The following GSAP variants were observed in gnomAD, a reference collection of about 807,000 sequenced individuals.
GSAP encodes the protein gamma-secretase-activating protein.
In GSAP, 118 loss-of-function variants were observed where a neutral mutation model predicts 131.7. That is an observed-to-expected ratio of 0.90 (90% confidence interval 0.77 to 1.04). GSAP has a LOEUF of 1.04. Among genes scored for constraint, GSAP ranks in the 50% least tolerant of loss-of-function variants. The pLI is 0.00. For synonymous variants in GSAP, 381 were observed against 363.4 expected (o/e 1.05, Z -0.55); for missense variants, 1,019 against 1,013.2 (o/e 1.01, Z -0.08).
At chr7:77,416,385 G>A, upstream of GSAP, 1 of 866,026 alleles carries the variant, frequency 1.2e-6, no homozygotes, top group Middle Eastern at 3.7e-4. Flanking sequence ...GGCCCCGCGT[G>A]GCCGCCTCGC....
chr7:77,377,451 T>C (rs552497015), intron 8 of GSAP, 61 bp from the exon 9 acceptor site: 9 of 1,451,120 alleles, frequency 6.2e-6, no homozygotes, highest in South Asian at 1.5e-5. Flanking sequence ...GGAGAACATA[T>C]CTGGAATTCA....
At chr7:77,355,073 G>A (rs752092659) in intron 16 of GSAP, 140 bp downstream of exon 16, 1 of 618,436 alleles carries the variant, frequency 1.6e-6, no homozygotes, top group South Asian at 2.0e-5. Context: ...CAGCGCAAAA[G>A]ATGACGATGT....
intron 5 of GSAP, among the ~76,000 whole-genome samples, chr7:77,395,614 A>G (rs1431134300): frequency 6.6e-6 from 1 of 152,050 alleles, no homozygotes; most frequent in Non-Finnish European, 1.5e-5. Context: ...GAGCAATACA[A>G]ATGATGAGAT....
chr7:77,372,164 CTATG>C (rs1395345982), intron 12 of GSAP, among the ~76,000 whole-genome samples: 2 of 152,152 alleles, frequency 1.3e-5, no homozygotes, highest in Non-Finnish European at 2.9e-5. Context: ...AGTTAAATGC[CTATG>C]TAAGTAAACA....
At chr7:77,375,612 A>G (rs1384434445) in intron 10 of GSAP, among the ~76,000 whole-genome samples, 4 of 152,248 alleles carry the variant, frequency 2.6e-5, no homozygotes, top group Non-Finnish European at 5.9e-5. Flanking sequence ...TGGGAGGCCA[A>G]GGCAGGTGGA....
chr7:77,326,152 T>C (rs1788303104), intron 23 of GSAP, 60 bp downstream of exon 23: 17 of 1,066,378 alleles, frequency 1.6e-5, no homozygotes, highest in Non-Finnish European at 2.3e-5. Context: ...ACTGTAATCC[T>C]TTCCCCTTGT....
At chr7:77,413,209 C>T (rs73362782) in intron 1 of GSAP, among the ~76,000 whole-genome samples, 4,254 of 152,292 alleles carry the variant, frequency 0.028, 209 homozygotes, top group African/African-American at 0.095. Flanking sequence ...CCAGTAGCAA[C>T]GCAGGCCCAA....
intron 8 of GSAP, among the ~76,000 whole-genome samples, chr7:77,377,827 T>C (rs1274627031): frequency 6.6e-6 from 1 of 152,214 alleles, no homozygotes; most frequent in Non-Finnish European, 1.5e-5. Context: ...TGGAAAGTAG[T>C]AGGCAATGAC....
chr7:77,373,728 C>G (rs544625519), intron 12 of GSAP, among the ~76,000 whole-genome samples: 1 of 152,290 alleles, frequency 6.6e-6, no homozygotes, highest in East Asian at 1.9e-4. Context: ...CATCAGTAAG[C>G]CTGACACAGA....
chr7:77,324,972 C>T (rs575317919), intron 23 of GSAP, among the ~76,000 whole-genome samples: 3 of 151,922 alleles, frequency 2.0e-5, no homozygotes, highest in African/African-American at 7.2e-5. Flanking sequence ...CGTGCTACCA[C>T]GCCCAGCCAA....
At chr7:77,341,657 G>A (rs1014403394) in intron 19 of GSAP, among the ~76,000 whole-genome samples, 2 of 152,014 alleles carry the variant, frequency 1.3e-5, no homozygotes, top group African/African-American at 4.8e-5. Flanking sequence ...TACCACCCTA[G>A]ACCCAGAAGG....
chr7:77,333,706 T>C (rs144959242), intron 19 of GSAP, among the ~76,000 whole-genome samples: 88 of 152,318 alleles, frequency 5.8e-4, no homozygotes, highest in African/African-American at 1.9e-3. Flanking sequence ...AAGAGGTAGT[T>C]AGGGCCAAAT....
intron 12 of GSAP, among the ~76,000 whole-genome samples, chr7:77,367,586 G>A (rs1326170132): frequency 2.0e-5 from 3 of 152,164 alleles, no homozygotes; most frequent in Non-Finnish European, 2.9e-5. Context: ...TTTTTGACAT[G>A]TTATTGGATT....
At chr7:77,345,554 T>C (rs1476733539) in intron 19 of GSAP, among the ~76,000 whole-genome samples, 1 of 152,160 alleles carries the variant, frequency 6.6e-6, no homozygotes, top group Non-Finnish European at 1.5e-5. Context: ...GAAGTGAAAA[T>C]GGCCGGTTTC....
intron 8 of GSAP, among the ~76,000 whole-genome samples, chr7:77,378,500 A>C (rs1001775086): frequency 4.0e-5 from 6 of 151,016 alleles, no homozygotes; most frequent in African/African-American, 9.9e-5. Flanking sequence ...AATAAAAATA[A>C]AAAACAAAAC....
chr7:77,318,067 T>C (rs1787104033), intron 26 of GSAP, among the ~76,000 whole-genome samples: 1 of 152,208 alleles, frequency 6.6e-6, no homozygotes, highest in African/African-American at 2.4e-5. Flanking sequence ...GGCCCATAAA[T>C]AGCCCATGTT....
At chr7:77,330,199 T>C (rs201489325) in intron 20 of GSAP, 40 bp downstream of exon 20, 2 of 1,583,446 alleles carry the variant, frequency 1.3e-6, no homozygotes, top group Non-Finnish European at 1.7e-6. Context: ...CAGTCCACTA[T>C]GCCTCGCTGC....
At chr7:77,395,961 C>G (rs1800310554) in intron 5 of GSAP, among the ~76,000 whole-genome samples, 1 of 152,200 alleles carries the variant, frequency 6.6e-6, no homozygotes, top group Admixed American at 6.5e-5. Context: ...TAATCACAGG[C>G]TGGCTCCAGC....
chr7:77,326,165 T>A, intron 23 of GSAP, 47 bp downstream of exon 23: 2 of 1,225,128 alleles, frequency 1.6e-6, no homozygotes, highest in South Asian at 2.5e-5. Context: ...CCCCTTGTCT[T>A]AGGGTTCCTT....
Sources: gnomAD v4.1 joint callset for allele counts (sites outside exome capture counted in the v4.1 genomes callset) on GRCh38, gnomAD v4.1.1 for gene constraint, MANE v1.5 for transcripts, NCBI Gene and HGNC (gene_info 2026-07-23, HGNC 2026-07-21) for gene names.